Variants in STK33 observed in about 807,000 individuals in gnomAD.
STK33 encodes serine/threonine kinase 33.
A neutral mutation model predicts 58.0 loss-of-function variants in STK33; 52 were observed. The ratio of observed to expected loss-of-function variants is 0.90; its 90% confidence interval spans 0.72 to 1.13. The LOEUF (loss-of-function observed/expected upper bound fraction) is 1.13, where lower values mean the gene tolerates loss of function less well. Ranked by LOEUF, STK33 falls within the 50% of genes most tolerant of loss-of-function variation. STK33 has a pLI of 0.00. For missense variants in STK33, 630 were observed against 604.2 expected (o/e 1.04, Z -0.45); for synonymous variants, 215 against 200.1 (o/e 1.07, Z -0.63).
intron 1 of STK33, among the ~76,000 whole-genome samples, chr11:8,551,964 C>T (rs1956331056): frequency 6.6e-6 from 1 of 151,812 alleles, no homozygotes; most frequent in African/African-American, 2.4e-5. Flanking sequence ...AGCTAAAGAG[C>T]CACCAAGATC....
chr11:8,532,976 T>C (rs1954671595), intron 1 of STK33, among the ~76,000 whole-genome samples: 1 of 152,216 alleles, frequency 6.6e-6, no homozygotes, highest in South Asian at 2.1e-4. Flanking sequence ...TAAAACCATT[T>C]TGTGATTTTT....
chr11:8,426,041 C>A, intron 14 of STK33, among the ~76,000 whole-genome samples: 1 of 147,472 alleles, frequency 6.8e-6, no homozygotes, highest in African/African-American at 2.5e-5. Context: ...CTCAATTAGA[C>A]CCCCTGCCTC....
At chr11:8,494,919 C>T (rs568125094) in intron 1 of STK33, among the ~76,000 whole-genome samples, 235 of 152,272 alleles carry the variant, frequency 1.5e-3, no homozygotes, top group African/African-American at 5.1e-3. Flanking sequence ...TGCATCCCTT[C>T]CTTACACCTT....
chr11:8,541,417 C>T (rs529915422), intron 1 of STK33, among the ~76,000 whole-genome samples: 1 of 152,216 alleles, frequency 6.6e-6, no homozygotes, highest in African/African-American at 2.4e-5. Flanking sequence ...TTCACCCAGA[C>T]CACGGTTTTA....
chr11:8,473,306 A>G, intron 5 of STK33, 30 bp from the exon 6 acceptor site: 3 of 1,340,766 alleles, frequency 2.2e-6, no homozygotes, highest in Non-Finnish European at 2.1e-6. Context: ...TAAAAAAAAA[A>G]AACTTTAAGA....
chr11:8,567,431 G>A (rs967655709), intron 1 of STK33: 1 of 152,132 alleles, frequency 6.6e-6, no homozygotes, highest in African/African-American at 2.4e-5. Context: ...TACTATTTGT[G>A]GCTGCAAGAA....
intron 1 of STK33, among the ~76,000 whole-genome samples, chr11:8,553,185 T>TC (rs1215909877): frequency 1.3e-5 from 1 of 75,956 alleles, no homozygotes; most frequent in Admixed American, 1.5e-4. Context: ...TATATATATA[T>TC]ATATATATAT....
intron 1 of STK33, among the ~76,000 whole-genome samples, chr11:8,484,091 A>C (rs1290811750): frequency 6.6e-6 from 1 of 152,198 alleles, no homozygotes; most frequent in Admixed American, 6.5e-5. Context: ...ACTTAAAACG[A>C]AATGTTTGTA....
intron 1 of STK33, among the ~76,000 whole-genome samples, chr11:8,549,687 A>G (rs979402995): frequency 1.3e-5 from 2 of 152,028 alleles, no homozygotes; most frequent in African/African-American, 4.8e-5. Context: ...CAGGTTTCCT[A>G]TTTCTTCATG....
intron 1 of STK33, chr11:8,554,878 G>A (rs1956621745): frequency 6.6e-6 from 1 of 151,620 alleles, no homozygotes; most frequent in Non-Finnish European, 1.5e-5. Context: ...ACAGATGAAT[G>A]GATAAAAAAT....
chr11:8,374,459 C>G, the STK33 span, among the ~76,000 whole-genome samples: 12 of 152,196 alleles, frequency 7.9e-5, no homozygotes, highest in African/African-American at 2.9e-4. Context: ...CTTGCAGGTT[C>G]AGTTTCTAGT....
At chr11:8,446,597 C>A (rs977795105) in intron 11 of STK33, among the ~76,000 whole-genome samples, 47 of 152,094 alleles carry the variant, frequency 3.1e-4, no homozygotes, top group South Asian at 1.2e-3. Context: ...CCAAAACAGC[C>A]TGGTACTGGT....
the STK33 span, among the ~76,000 whole-genome samples, chr11:8,383,734 C>T: frequency 6.6e-6 from 1 of 152,206 alleles, no homozygotes; most frequent in South Asian, 2.1e-4. Context: ...CCACTCCATT[C>T]TCATCCTTCT....
intron 1 of STK33, among the ~76,000 whole-genome samples, chr11:8,493,121 G>T (rs931963646): frequency 6.6e-6 from 1 of 152,008 alleles, no homozygotes; most frequent in Non-Finnish European, 1.5e-5. Flanking sequence ...AGGAGATAGA[G>T]ACACAAAAAA....
intron 14 of STK33, among the ~76,000 whole-genome samples, chr11:8,434,874 A>G (rs1943876217): frequency 6.6e-6 from 1 of 152,188 alleles, no homozygotes; most frequent in Admixed American, 6.5e-5. Flanking sequence ...TTTCCAACTA[A>G]CAGTCAGAAT....
At chr11:8,368,797 C>T in the STK33 span, among the ~76,000 whole-genome samples, 3 of 152,218 alleles carry the variant, frequency 2.0e-5, no homozygotes, top group Non-Finnish European at 2.9e-5. Flanking sequence ...GCATTTCCCC[C>T]GGGGAGGGCC....
intron 1 of STK33, among the ~76,000 whole-genome samples, chr11:8,488,134 T>C (rs992713507): frequency 3.9e-5 from 6 of 152,330 alleles, no homozygotes; most frequent in Admixed American, 2.0e-4. Flanking sequence ...AACCCACTTA[T>C]AAGTCAGTCT....
intron 11 of STK33, among the ~76,000 whole-genome samples, chr11:8,447,526 C>A (rs954941892): frequency 4.6e-5 from 7 of 151,930 alleles, no homozygotes; most frequent in South Asian, 4.1e-4. Context: ...ACAGAACCAA[C>A]GACAAAAACC....
chr11:8,581,408 G>A (rs548902364), intron 1 of STK33, among the ~76,000 whole-genome samples: 21 of 152,284 alleles, frequency 1.4e-4, no homozygotes, highest in African/African-American at 5.1e-4. Flanking sequence ...CTACTCAGGA[G>A]GCTGAAGCAG....
Sources: allele counts gnomAD v4.1 joint callset (sites outside exome capture counted in the v4.1 genomes callset), GRCh38; gene constraint gnomAD v4.1.1; transcripts MANE v1.5; gene names NCBI Gene and HGNC (gene_info 2026-07-23, HGNC 2026-07-21).